Variants in SPAG16 observed in about 807,000 individuals in gnomAD.
SPAG16 encodes the protein sperm-associated antigen 16 protein.
In SPAG16, 86 loss-of-function variants were observed where a neutral mutation model predicts 80.4. The ratio of observed to expected loss-of-function variants is 1.07; its 90% CI spans 0.90 to 1.28. SPAG16 has a LOEUF of 1.28. Ranked by LOEUF, SPAG16 falls within the 50% of genes most tolerant of loss-of-function variation. The pLI, the probability that SPAG16 is intolerant of heterozygous loss-of-function variation, is 0.00. For missense variants in SPAG16, 870 were observed against 765.3 expected (o/e 1.14, Z -1.61); for synonymous variants, 294 against 265.9 (o/e 1.11, Z -1.03).
intron 13 of SPAG16, among the ~76,000 whole-genome samples, chr2:214,059,201 T>C (rs2125167973): frequency 9.3e-6 from 1 of 107,528 alleles, no homozygotes; most frequent in East Asian, 3.9e-4. Flanking sequence ...TATATATATA[T>C]ATATATATAT....
At chr2:214,265,567 C>T (rs116425528) in intron 15 of SPAG16, among the ~76,000 whole-genome samples, 1 of 151,868 alleles carries the variant, frequency 6.6e-6, no homozygotes, top group East Asian at 1.9e-4. Flanking sequence ...TCTTTTTATT[C>T]TCTTAACATG....
intron 9 of SPAG16, among the ~76,000 whole-genome samples, chr2:213,378,178 C>A (rs1303887502): frequency 4.6e-5 from 7 of 152,120 alleles, no homozygotes; most frequent in Non-Finnish European, 1.5e-5. Context: ...ACACTAGGAG[C>A]TGATTAGATG....
chr2:213,339,192 G>T (rs1002977583), intron 5 of SPAG16, among the ~76,000 whole-genome samples: 1 of 152,160 alleles, frequency 6.6e-6, no homozygotes, highest in East Asian at 1.9e-4. Flanking sequence ...CCCATACGCT[G>T]ATCCTCAGTG....
At chr2:214,365,855 A>G (rs1170694217) in intron 15 of SPAG16, among the ~76,000 whole-genome samples, 1 of 152,158 alleles carries the variant, frequency 6.6e-6, no homozygotes, top group Non-Finnish European at 1.5e-5. Flanking sequence ...ATCAAATTCT[A>G]AGTAGCCTTG....
chr2:213,825,211 T>C (rs1454196635), intron 10 of SPAG16, among the ~76,000 whole-genome samples: 2 of 152,134 alleles, frequency 1.3e-5, no homozygotes, highest in Non-Finnish European at 2.9e-5. Flanking sequence ...TTTGAAGCAC[T>C]TTATTTCTTT....
At chr2:214,120,123 G>T (rs2054142997) in intron 14 of SPAG16, among the ~76,000 whole-genome samples, 1 of 151,644 alleles carries the variant, frequency 6.6e-6, no homozygotes, top group African/African-American at 2.4e-5. Context: ...ATTGTGTTTT[G>T]TCAATTCTCT....
intron 15 of SPAG16, among the ~76,000 whole-genome samples, chr2:214,312,182 T>C (rs531139762): frequency 6.6e-6 from 1 of 152,232 alleles, no homozygotes; most frequent in Non-Finnish European, 1.5e-5. Flanking sequence ...TTAACAGTTA[T>C]GATAAATCTT....
chr2:213,625,807 C>G (rs937220702), intron 10 of SPAG16, among the ~76,000 whole-genome samples: 1 of 152,122 alleles, frequency 6.6e-6, no homozygotes, highest in African/African-American at 2.4e-5. Flanking sequence ...CCTGCCTCAG[C>G]CTCCGGAGTA....
chr2:213,578,590 G>A (rs541121269), intron 10 of SPAG16, among the ~76,000 whole-genome samples: 1 of 152,132 alleles, frequency 6.6e-6, no homozygotes, highest in African/African-American at 2.4e-5. Flanking sequence ...TAAGACATGG[G>A]TTGTTTAAAT....
rs563991997 is a variant in SPAG16 at position 213,828,325 on chromosome 2, C to T, written c.1071-34160C>T. ...ATTAAGAGACTCTGATGCATTCTTTCGTATGTCAGTTGCATTTTTCAACTC... is the reference window on the plus strand; with the variant it reads ...ATTAAGAGACTCTGATGCATTCTTTTGTATGTCAGTTGCATTTTTCAACTC... On this transcript the variant is annotated intron_variant, in intron 10 of 15. Transcript: ENST00000331683. Among the ~76,000 whole-genome samples, 77 of 152,204 alleles carry T rather than the reference C, an allele frequency of 5.1e-4. No homozygotes were observed. The South Asian group carries it at 9.3e-3, about 18-fold the overall frequency.
chr2:213,988,057 T>C (rs1376785218), intron 12 of SPAG16, among the ~76,000 whole-genome samples: 1 of 151,802 alleles, frequency 6.6e-6, no homozygotes, highest in East Asian at 1.9e-4. Flanking sequence ...AATCTGGGGA[T>C]CTGAAATGAT....
chr2:213,838,718 G>A (rs2125747386), intron 10 of SPAG16, among the ~76,000 whole-genome samples: 1 of 152,312 alleles, frequency 6.6e-6, no homozygotes, highest in Admixed American at 6.5e-5. Flanking sequence ...AGCACAAGAA[G>A]CTGATTGGCT....
intron 13 of SPAG16, among the ~76,000 whole-genome samples, chr2:214,083,395 A>T (rs1476284972): frequency 6.6e-6 from 1 of 152,056 alleles, no homozygotes; most frequent in Non-Finnish European, 1.5e-5. Context: ...AGGCCATAAG[A>T]TCATTTTTCA....
rs866888043 is a variant in SPAG16, at chr2:214,028,588, C to A, written c.1527+14511C>A. On this transcript the variant is annotated intron_variant, in intron 13 of 15. Transcript: ENST00000331683. ...TAATTTCATAACAAATGCCTCAACC[C>A]AAGATTTTAATTTTACATGCATTTG... Among the ~76,000 whole-genome samples, 18 of 151,938 alleles carry A rather than the reference C, an allele frequency of 1.2e-4. No individual in the cohort carries two copies. In the South Asian group the frequency reaches 1.2e-3, roughly 11 times the overall value.
intron 14 of SPAG16, among the ~76,000 whole-genome samples, chr2:214,126,059 CTTT>C (rs770163812): frequency 4.4e-4 from 5 of 11,376 alleles, no homozygotes; most frequent in African/African-American, 2.2e-3. Flanking sequence ...TCCTTCCTTC[CTTT>C]TTTTTTTTTT....
intron 15 of SPAG16, among the ~76,000 whole-genome samples, chr2:214,267,872 A>G (rs1463936479): frequency 6.6e-6 from 1 of 151,924 alleles, no homozygotes; most frequent in Non-Finnish European, 1.5e-5. Flanking sequence ...GGTAAACAAC[A>G]GAGTGAAGAG....
intron 9 of SPAG16, among the ~76,000 whole-genome samples, chr2:213,478,850 T>A (rs2073578973): frequency 6.6e-6 from 1 of 152,162 alleles, no homozygotes; most frequent in Non-Finnish European, 1.5e-5. Flanking sequence ...TTAAGAATCT[T>A]CAATTTAACC....
At chr2:213,549,313 A>G (rs949267968) in intron 10 of SPAG16, among the ~76,000 whole-genome samples, 11 of 152,104 alleles carry the variant, frequency 7.2e-5, no homozygotes, top group Middle Eastern at 6.3e-3. Context: ...TACAGATTTT[A>G]TTTGATGCAT....
rs184936170 is a variant in SPAG16, at chr2:213,410,855, C to T, written c.942+35736C>T. Among the ~76,000 whole-genome samples, 5 of 152,288 alleles carry T rather than the reference C, an allele frequency of 3.3e-5. 1 individual carries two copies. Among genetic ancestry groups the T allele is most frequent in the Non-Finnish European group, 5.9e-5 (4 of 68,010 alleles). ...GATTCTACACCCTGGAGTAATAAGT[C>T]GTACCAAGCTCTCTCTCTCTGCTAT... On this transcript the variant is annotated intron_variant, in intron 9 of 15. Coordinates refer to ENST00000331683, the MANE Select transcript of SPAG16 (RefSeq NM_024532.5).
Sources: allele counts gnomAD v4.1 joint callset (sites outside exome capture counted in the v4.1 genomes callset), GRCh38; gene constraint gnomAD v4.1.1; transcripts MANE v1.5; gene names NCBI Gene and HGNC (gene_info 2026-07-23, HGNC 2026-07-21).